Variants in SLMAP observed in about 807,000 individuals in gnomAD.
The protein encoded by SLMAP is sarcolemma associated protein.
Under a neutral mutation model 128.8 loss-of-function variants are expected in SLMAP, and 44 were observed. The ratio of observed to expected loss-of-function variants is 0.34; its 90% confidence interval spans 0.27 to 0.44. The LOEUF (loss-of-function observed/expected upper bound fraction) is 0.44, where lower values mean the gene tolerates loss of function less well. Among genes scored for constraint, SLMAP ranks in the 20% least tolerant of loss-of-function variants. The pLI, the probability that SLMAP is intolerant of heterozygous loss-of-function variation, is 1.00. For synonymous variants in SLMAP, 327 were observed against 348.8 expected (o/e 0.94, Z 0.70); for missense variants, 787 against 985.3 (o/e 0.80, Z 2.69).
intron 17 of SLMAP, among the ~76,000 whole-genome samples, chr3:57,904,376 A>G (rs1445988178): frequency 2.0e-5 from 3 of 152,078 alleles, no homozygotes; most frequent in Admixed American, 6.5e-5. Context: ...GTGAGTAGAC[A>G]TTGTGACACT....
chr3:57,855,933 C>T (rs1286048580), intron 6 of SLMAP, among the ~76,000 whole-genome samples: 3 of 151,852 alleles, frequency 2.0e-5, no homozygotes, highest in Non-Finnish European at 4.4e-5. Flanking sequence ...ATCCCAGCTA[C>T]TCAGGAGGCA....
chr3:57,763,642 G>A (rs2079109733), intron 2 of SLMAP, among the ~76,000 whole-genome samples: 1 of 152,112 alleles, frequency 6.6e-6, no homozygotes, highest in African/African-American at 2.4e-5. Context: ...GGTAAAGGGG[G>A]AGAAAATGAC....
chr3:57,923,906 G>A (rs1251933960), intron 23 of SLMAP, among the ~76,000 whole-genome samples: 1 of 152,264 alleles, frequency 6.6e-6, no homozygotes, highest in East Asian at 1.9e-4. Context: ...AGACAGTAAA[G>A]TCTTGCTGCT....
chr3:57,761,322 T>C (rs746858938), intron 2 of SLMAP, among the ~76,000 whole-genome samples: 2 of 151,910 alleles, frequency 1.3e-5, no homozygotes, highest in Non-Finnish European at 1.5e-5. Flanking sequence ...TGAGACGGAG[T>C]CTGGCTCTGT....
chr3:57,768,051 T>C (rs1180728931), intron 2 of SLMAP, among the ~76,000 whole-genome samples: 1 of 152,218 alleles, frequency 6.6e-6, no homozygotes, highest in Non-Finnish European at 1.5e-5. Context: ...CTGATTTGGC[T>C]TTGGGTATAT....
intron 2 of SLMAP, among the ~76,000 whole-genome samples, chr3:57,787,743 C>A (rs1001707871): frequency 6.6e-6 from 1 of 152,166 alleles, no homozygotes; most frequent in African/African-American, 2.4e-5. Context: ...CCCAAAAGTG[C>A]TGAGATTACA....
chr3:57,810,866 C>T (rs563539702), intron 2 of SLMAP, among the ~76,000 whole-genome samples: 1 of 152,308 alleles, frequency 6.6e-6, no homozygotes, highest in East Asian at 1.9e-4. Flanking sequence ...TTGGTTGGTC[C>T]TGTTTTCCAT....
chr3:57,833,362 G>C (rs2093449913), intron 3 of SLMAP, among the ~76,000 whole-genome samples: 1 of 152,032 alleles, frequency 6.6e-6, no homozygotes, highest in Non-Finnish European at 1.5e-5. Flanking sequence ...AAATGCTATA[G>C]AAAGCTAAGA....
chr3:57,831,301 C>T, intron 2 of SLMAP, 82 bp from the exon 3 acceptor site: 2 of 1,038,294 alleles, frequency 1.9e-6, no homozygotes, highest in Non-Finnish European at 2.6e-6. Flanking sequence ...GTTGGCAAAG[C>T]TGGAAGCATT....
At chr3:57,899,698 C>G (rs913462089) in intron 17 of SLMAP, 1 of 151,950 alleles carries the variant, frequency 6.6e-6, no homozygotes, top group Non-Finnish European at 1.5e-5. Flanking sequence ...CAGGCATGCA[C>G]CACCCTACCC....
intron 15 of SLMAP, among the ~76,000 whole-genome samples, chr3:57,893,776 C>T (rs889540749): frequency 1.3e-5 from 2 of 151,956 alleles, no homozygotes; most frequent in African/African-American, 4.8e-5. Flanking sequence ...ACTTTGTGAT[C>T]GAAACTAGAA....
Position 57,928,045 on chromosome 3 carries a change from G to A in SLMAP, c.*756G>A, listed in dbSNP as rs2097035358. The stretch of plus-strand genomic sequence containing the variant: ...TTCAGCCTTAATGTGACTTGAAGAT[G>A]TGGAGGACATCAACTTTGAAAAACT... On this transcript the variant is annotated 3_prime_UTR_variant, in exon 25 of 25. Transcript: ENST00000671191. The A allele has an allele frequency of 6.6e-6, 1 of 152,432 alleles. No individual in the cohort carries two copies. Among genetic ancestry groups the A allele is most frequent in the Non-Finnish European group, 1.5e-5 (1 of 68,016 alleles). The allele number at this position is 152,432 out of a possible 1,614,324, so 9.4% of individuals were successfully genotyped here. A position where few individuals can be genotyped will look rare whatever the true frequency, so the allele number is the denominator to read the frequency against.
chr3:57,766,577 A>G (rs1007111608), intron 2 of SLMAP, among the ~76,000 whole-genome samples: 1 of 152,224 alleles, frequency 6.6e-6, no homozygotes, highest in Non-Finnish European at 1.5e-5. Flanking sequence ...ATAGGTAGAT[A>G]AATAGTTACA....
rs776085613 is a variant in SLMAP at position 57,896,495 on chromosome 3, AT to A, written c.1361-9del. The A allele has an allele frequency of 2.5e-6, 4 of 1,584,292 alleles. No individual in the cohort carries two copies. In the African/African-American group the frequency reaches 4.1e-5, roughly 16 times the overall value. Reference sequence around the variant, plus strand: ...TTAACTGTAATAAGATTTTACTTTTATTTTTTTCTTGGTAGAAAATCAGACA... The same window carrying A: ...TTAACTGTAATAAGATTTTACTTTTATTTTTTCTTGGTAGAAAATCAGACA... On this transcript the variant is annotated splice_polypyrimidine_tract_variant and intron_variant, in intron 15 of 24. Coordinates refer to ENST00000671191, the MANE Select transcript of SLMAP (RefSeq NM_001377540.1).
intron 17 of SLMAP, among the ~76,000 whole-genome samples, chr3:57,906,344 C>T (rs1336128286): frequency 3.5e-5 from 2 of 57,364 alleles, no homozygotes; most frequent in African/African-American, 1.2e-4. Flanking sequence ...GAGACACAGT[C>T]ACTCTCTGTC....
At chr3:57,771,915 T>A in intron 2 of SLMAP, among the ~76,000 whole-genome samples, 1 of 152,346 alleles carries the variant, frequency 6.6e-6, no homozygotes, top group East Asian at 1.9e-4. Context: ...TCCGCCTTAC[T>A]TGAAGATTTG....
chr3:57,891,704 G>A (rs1175452385), intron 15 of SLMAP, among the ~76,000 whole-genome samples: 1 of 152,032 alleles, frequency 6.6e-6, no homozygotes, highest in Non-Finnish European at 1.5e-5. Context: ...AGCCTCCTGA[G>A]TAACTGGAAT....
chr3:57,917,317 C>A, intron 22 of SLMAP: 1 of 949,466 alleles, frequency 1.1e-6, no homozygotes, highest in Non-Finnish European at 1.5e-6. Context: ...TAATTTTTCT[C>A]TACCAGTTAC....
intron 2 of SLMAP, among the ~76,000 whole-genome samples, chr3:57,789,001 T>G (rs1419735741): frequency 6.6e-6 from 1 of 152,178 alleles, no homozygotes; most frequent in East Asian, 1.9e-4. Flanking sequence ...TTTTAATTGT[T>G]GCTGCTCCCA....
Sources: allele counts gnomAD v4.1 joint callset (sites outside exome capture counted in the v4.1 genomes callset), GRCh38; gene constraint gnomAD v4.1.1; transcripts MANE v1.5; gene names NCBI Gene and HGNC (gene_info 2026-07-23, HGNC 2026-07-21).